The following PPP3R1 variants were observed in gnomAD, a reference collection of about 807,000 sequenced individuals.
PPP3R1 encodes calcineurin subunit B type 1.
A neutral mutation model predicts 22.6 loss-of-function variants in PPP3R1; 5 were observed. The observed-to-expected ratio is 0.22, with a 90% CI of 0.12 to 0.46. The LOEUF (loss-of-function observed/expected upper bound fraction) is 0.46. Among genes scored for constraint, PPP3R1 ranks in the 20% least tolerant of loss-of-function variants. The probability of loss-of-function intolerance (pLI) is 0.99; values close to 1 mark genes in which losing one functional copy is unlikely to be tolerated. For missense variants in PPP3R1, 61 were observed against 203.2 expected (o/e 0.30, Z 4.25); for synonymous variants, 56 against 65.2 (o/e 0.86, Z 0.68).
chr2:68,196,733 A>ATT (rs995642765), intron 2 of PPP3R1, among the ~76,000 whole-genome samples: 2 of 146,900 alleles, frequency 1.4e-5, no homozygotes, highest in African/African-American at 2.5e-5. Flanking sequence ...TAAAAATGCT[A>ATT]TTTTTTTTTT....
chr2:68,238,421 G>T (rs1298851585), intron 1 of PPP3R1, among the ~76,000 whole-genome samples: 1 of 152,116 alleles, frequency 6.6e-6, no homozygotes, highest in East Asian at 1.9e-4. Flanking sequence ...ATTGCCAACA[G>T]AAGAAAGAGT....
chr2:68,180,693 T>TAAAAAAAAAAAAAA lies in PPP3R1; in HGVS notation c.*269_*270insTTTTTTTTTTTTTT. The stretch of plus-strand genomic sequence containing the variant: ...TTATAAAAGATGAAGAAAAATAAAT[T>TAAAAAAAAAAAAAA]AAAAAGCCAACCCCTTCCCTTTCTC... On this transcript the variant is annotated 3_prime_UTR_variant, in exon 6 of 6. Coordinates refer to ENST00000234310, the MANE Select transcript of PPP3R1 (RefSeq NM_000945.4). 1 of 300,926 alleles carries TAAAAAAAAAAAAAA rather than the reference T, an allele frequency of 3.3e-6. No homozygotes were observed. Among genetic ancestry groups the TAAAAAAAAAAAAAA allele is most frequent in the East Asian group, 6.1e-5 (1 of 16,346 alleles). The allele number at this position is 300,926 out of a possible 1,614,324, so 18.6% of individuals were successfully genotyped here.
chr2:68,230,435 C>T (rs1669873575), intron 1 of PPP3R1, among the ~76,000 whole-genome samples: 2 of 137,768 alleles, frequency 1.5e-5, no homozygotes, highest in African/African-American at 5.4e-5. Context: ...TAACTTTTCA[C>T]AATCTCATTG....
intron 1 of PPP3R1, among the ~76,000 whole-genome samples, chr2:68,251,671 T>G (rs947921246): frequency 6.6e-6 from 1 of 152,186 alleles, no homozygotes. Context: ...TTATGTAAAG[T>G]GCCATTTGCC....
intron 2 of PPP3R1, among the ~76,000 whole-genome samples, chr2:68,204,653 A>C (rs72894454): frequency 1.6e-4 from 24 of 152,346 alleles, no homozygotes; most frequent in African/African-American, 5.3e-4. Context: ...TAAAAGAATT[A>C]ATGTATGTAA....
intron 1 of PPP3R1, among the ~76,000 whole-genome samples, chr2:68,225,759 T>C (rs536484863): frequency 1.3e-5 from 2 of 152,234 alleles, no homozygotes; most frequent in East Asian, 3.9e-4. Flanking sequence ...GTAGAGCAAA[T>C]GAAAATTTTA....
intron 2 of PPP3R1, among the ~76,000 whole-genome samples, chr2:68,212,993 C>T (rs1163970222): frequency 6.6e-6 from 1 of 152,200 alleles, no homozygotes; most frequent in Non-Finnish European, 1.5e-5. Context: ...CTGCAGCTTC[C>T]CCATCTCTCT....
chr2:68,238,085 G>C (rs917179724), intron 1 of PPP3R1, among the ~76,000 whole-genome samples: 1 of 151,990 alleles, frequency 6.6e-6, no homozygotes, highest in African/African-American at 2.4e-5. Flanking sequence ...AACACACTGG[G>C]GGTTTTCTAA....
rs1295985629 is a variant in PPP3R1, at chr2:68,179,109, A to G, written c.*1854T>C. 6.6e-6 allele frequency: 1 copy of G among 152,636 alleles called. No individual in the cohort carries two copies. 9.5% of individuals were successfully genotyped at this position (152,636 alleles called of 1,614,324 possible). On this transcript the variant is annotated 3_prime_UTR_variant, in exon 6 of 6. Coordinates refer to ENST00000234310, the MANE Select transcript of PPP3R1 (RefSeq NM_000945.4). ...CAAGATATGCACAAGCAAGAGAAAT[A>G]GAAAGCATTTGCTAAAATATTTGTA... is the stretch of plus-strand genomic sequence containing the variant.
rs1455965369 is a variant in PPP3R1, at chr2:68,232,088, G to GT, written c.4-14958dup. Among the ~76,000 whole-genome samples, 5 of 108,430 alleles carry GT rather than the reference G, an allele frequency of 4.6e-5. No individual in the cohort carries two copies. In the East Asian group the frequency reaches 1.2e-3, roughly 25 times the overall value. 71.1% of individuals were successfully genotyped at this position (108,430 alleles called of 152,430 possible). On this transcript the variant is annotated intron_variant, in intron 1 of 5. Transcript: ENST00000234310. ...CAGCCAGGACAACATGGGAATACCC[G>GT]TATCTACTAAAAAAAAAAAAATATA...
chr2:68,217,668 C>A (rs1180388520), intron 1 of PPP3R1, among the ~76,000 whole-genome samples: 6 of 152,098 alleles, frequency 3.9e-5, no homozygotes, highest in African/African-American at 1.4e-4. Context: ...AAAGGTGAGT[C>A]TAACTTGACA....
At chr2:68,186,363 AATACTT>A in intron 5 of PPP3R1, 99 bp downstream of exon 5, 1 of 1,133,664 alleles carries the variant, frequency 8.8e-7, no homozygotes, top group Non-Finnish European at 1.2e-6. Context: ...GGAAAAATCA[AATACTT>A]AAGTTTTTAG....
chr2:68,216,910 G>C lies in PPP3R1; in HGVS notation c.43+182C>G, dbSNP rs558484012. 3.3e-4 allele frequency among the ~76,000 whole-genome samples: 50 copies of C among 152,042 alleles called. 1 individual carries two copies. The highest frequency in any genetic ancestry group is 1.1e-3 in the African/African-American group (46 of 41,466). Reference sequence around the variant, plus strand: ...CTATTTAAAAAAATGTTCCTACTCTGGTAACATAAATAGACTGTATGTCAA... The same window carrying C: ...CTATTTAAAAAAATGTTCCTACTCTCGTAACATAAATAGACTGTATGTCAA... On this transcript the variant is annotated intron_variant, in intron 2 of 5. Transcript: ENST00000234310.
intron 1 of PPP3R1, among the ~76,000 whole-genome samples, chr2:68,228,406 G>A (rs946252993): frequency 1.7e-4 from 26 of 152,230 alleles, no homozygotes; most frequent in Admixed American, 3.9e-4. Context: ...CACTGGAAGA[G>A]GTGTGATAGT....
intron 4 of PPP3R1, among the ~76,000 whole-genome samples, 156 bp downstream of exon 4, chr2:68,187,099 T>C (rs1674561985): frequency 4.6e-5 from 7 of 152,228 alleles, no homozygotes; most frequent in Admixed American, 3.3e-4. Context: ...TAGTTGGAAA[T>C]GTCCTAAAAG....
chr2:68,199,313 G>A (rs971990328), intron 2 of PPP3R1, among the ~76,000 whole-genome samples: 6 of 151,940 alleles, frequency 3.9e-5, no homozygotes, highest in Non-Finnish European at 8.8e-5. Flanking sequence ...ACACTGTTTG[G>A]GTATATTATC....
At chr2:68,246,986 T>G (rs1424853795) in intron 1 of PPP3R1, among the ~76,000 whole-genome samples, 1 of 151,974 alleles carries the variant, frequency 6.6e-6, no homozygotes, top group Non-Finnish European at 1.5e-5. Flanking sequence ...AAAACAGTCT[T>G]GCTCTGTCAC....
intron 2 of PPP3R1, among the ~76,000 whole-genome samples, chr2:68,208,733 G>C (rs796503268): frequency 3.3e-5 from 5 of 152,064 alleles, no homozygotes; most frequent in Middle Eastern, 3.4e-3. Context: ...CCAGGAGTTC[G>C]AGACCAGCCT....
chr2:68,201,358 A>C (rs1403533342), intron 2 of PPP3R1, among the ~76,000 whole-genome samples: 1 of 152,190 alleles, frequency 6.6e-6, no homozygotes, highest in East Asian at 1.9e-4. Context: ...TGGCTCCTCC[A>C]AAGCTTAATG....
Sources: allele counts gnomAD v4.1 joint callset (sites outside exome capture counted in the v4.1 genomes callset), GRCh38; gene constraint gnomAD v4.1.1; transcripts MANE v1.5; gene names NCBI Gene and HGNC (gene_info 2026-07-23, HGNC 2026-07-21).